The following RUNX1T1 variants were observed in gnomAD, a reference collection of about 807,000 sequenced individuals.
RUNX1T1 encodes protein CBFA2T1.
In RUNX1T1, 4 loss-of-function variants were observed where a neutral mutation model predicts 62.8. That is an observed-to-expected ratio of 0.06 (90% CI 0.03 to 0.15). RUNX1T1 has a LOEUF of 0.15. Among genes scored for constraint, RUNX1T1 ranks in the 10% least tolerant of loss-of-function variants. The pLI, the probability that RUNX1T1 is intolerant of heterozygous loss-of-function variation, is 1.00. For synonymous variants in RUNX1T1, 291 were observed against 286.0 expected, an observed-to-expected ratio of 1.02 and a Z score of -0.18; for missense variants, 508 against 754.3, an observed-to-expected ratio of 0.67 and a Z score of 3.82.
At chr8:91,980,738 C>T (rs958319551) in intron 8 of RUNX1T1, among the ~76,000 whole-genome samples, 1 of 152,146 alleles carries the variant, frequency 6.6e-6, no homozygotes. Context: ...GTGGCATAAA[C>T]GTGGCTCACT....
At position 91,975,885 on chromosome 8, in the gene RUNX1T1, T is replaced by C; in HGVS notation, c.1267+20A>G. On this transcript the variant is annotated intron_variant, in intron 9 of 10. Transcript: ENST00000396218. ...CACAGCTGCCAGAACACGAAACTCA[T>C]GTTTTTAAACAATTCTTACCAGCTT... The C allele has an allele frequency of 1.9e-6, 3 of 1,572,654 alleles. No individual in the cohort carries two copies. Among genetic ancestry groups the C allele is most frequent in the South Asian group, 1.1e-5 (1 of 90,240 alleles).
chr8:92,065,848 C>T (rs906734394), upstream of RUNX1T1, among the ~76,000 whole-genome samples: 7 of 152,196 alleles, frequency 4.6e-5, no homozygotes, highest in African/African-American at 1.7e-4. Context: ...TTGTGATACA[C>T]TGTGACTTCA....
intron 1 of RUNX1T1, among the ~76,000 whole-genome samples, chr8:92,030,437 T>C (rs1302499288): frequency 6.6e-6 from 1 of 152,146 alleles, no homozygotes; most frequent in Non-Finnish European, 1.5e-5. Flanking sequence ...TATTTAAAAA[T>C]ATAGATTTGA....
intron 1 of RUNX1T1, among the ~76,000 whole-genome samples, chr8:92,037,574 G>C (rs1199048100): frequency 6.6e-6 from 1 of 152,152 alleles, no homozygotes; most frequent in Non-Finnish European, 1.5e-5. Context: ...AGCTACTCAG[G>C]TGGCTAATGT....
chr8:92,017,196 G>T, intron 2 of RUNX1T1, 30 bp downstream of exon 3: 1 of 1,442,806 alleles, frequency 6.9e-7, no homozygotes, highest in South Asian at 1.2e-5. Context: ...CTTTAAAACT[G>T]AAACTCAAAA....
Position 91,970,639 on chromosome 8 carries a change from G to A in RUNX1T1, c.1458+19C>T. The A allele has an allele frequency of 6.4e-7, 1 of 1,570,392 alleles. No individual in the cohort carries two copies. The highest frequency in any genetic ancestry group is 8.6e-7 in the Non-Finnish European group (1 of 1,157,646). On this transcript the variant is annotated intron_variant, in intron 10 of 10. Transcript: ENST00000396218. ...ATGAAAACTATCTTGTTTATTTGGA[G>A]CTTCCCAAGATGCCTCACCTCGCTT...
At chr8:92,024,767 G>A (rs1824826212) in intron 1 of RUNX1T1, among the ~76,000 whole-genome samples, 1 of 151,764 alleles carries the variant, frequency 6.6e-6, no homozygotes, top group South Asian at 2.1e-4. Context: ...TCTTTTTCCT[G>A]CTCTGTGATA....
chr8:92,042,442 C>T (rs181745758), intron 1 of RUNX1T1, among the ~76,000 whole-genome samples: 101 of 152,198 alleles, frequency 6.6e-4, no homozygotes, highest in South Asian at 4.1e-3. Flanking sequence ...GCCTTCTGAC[C>T]GACTGGCTAG....
intron 1 of RUNX1T1, among the ~76,000 whole-genome samples, chr8:92,043,852 C>T (rs1213829921): frequency 6.6e-6 from 1 of 151,730 alleles, no homozygotes; most frequent in African/African-American, 2.4e-5. Context: ...TTGACAGGCA[C>T]CTGTAATCCC....
intron 1 of RUNX1T1, among the ~76,000 whole-genome samples, chr8:92,058,237 T>C (rs1831358529): frequency 6.6e-6 from 1 of 152,206 alleles, no homozygotes; most frequent in African/African-American, 2.4e-5. Context: ...AACCTACAAA[T>C]GTCTACTACC....
intron 10 of RUNX1T1, among the ~76,000 whole-genome samples, chr8:91,961,880 G>C (rs527987618): frequency 5.3e-5 from 8 of 152,324 alleles, no homozygotes; most frequent in African/African-American, 1.4e-4. Context: ...CTGACGCTAT[G>C]TGCTTGTGTG....
intron 1 of RUNX1T1, among the ~76,000 whole-genome samples, chr8:92,059,481 C>T (rs1831562085): frequency 6.6e-6 from 1 of 152,098 alleles, no homozygotes; most frequent in Non-Finnish European, 1.5e-5. Flanking sequence ...GCTATAAATG[C>T]CAAATCAATT....
upstream of RUNX1T1, among the ~76,000 whole-genome samples, chr8:92,065,750 G>A (rs191098456): frequency 1.3e-5 from 2 of 152,172 alleles, no homozygotes; most frequent in Non-Finnish European, 2.9e-5. Flanking sequence ...TGCAGTTCAG[G>A]AAAGCTCTCT....
intron 1 of RUNX1T1, among the ~76,000 whole-genome samples, chr8:92,049,750 A>G (rs1430419383): frequency 6.6e-6 from 1 of 152,186 alleles, no homozygotes; most frequent in African/African-American, 2.4e-5. Flanking sequence ...TAGATATTCA[A>G]TCCCCAACAC....
At chr8:92,078,357 A>C in intron 1 of RUNX1T1, among the ~76,000 whole-genome samples, 1 of 152,134 alleles carries the variant, frequency 6.6e-6, no homozygotes, top group Non-Finnish European at 1.5e-5. Context: ...TATTTCTGAG[A>C]CCTATTCCGC....
At chr8:92,060,553 A>ATATATATATATATGTGTG in intron 1 of RUNX1T1, among the ~76,000 whole-genome samples, 1 of 63,974 alleles carries the variant, frequency 1.6e-5, no homozygotes, top group Non-Finnish European at 3.2e-5. Context: ...ATATATATAT[A>ATATATATATATATGTGTG]TGTGTGTGTG....
At chr8:92,033,856 G>A (rs891156984) in intron 1 of RUNX1T1, among the ~76,000 whole-genome samples, 2 of 152,102 alleles carry the variant, frequency 1.3e-5, no homozygotes, top group African/African-American at 4.8e-5. Context: ...TGTAGTCCCA[G>A]CTACTAGGAG....
At chr8:92,051,186 T>A (rs1322934283) in intron 1 of RUNX1T1, among the ~76,000 whole-genome samples, 1 of 152,172 alleles carries the variant, frequency 6.6e-6, no homozygotes, top group Non-Finnish European at 1.5e-5. Context: ...TCACCAGTCT[T>A]GCTCACTATT....
rs188814131 is a variant in RUNX1T1, at chr8:92,026,031, A to G, written c.8-8668T>C. On this transcript the variant is annotated intron_variant, in intron 1 of 10. Transcript: ENST00000396218. ...GTAGTGTCAGTGTAGTCATACATGT[A>G]CACATTCAAAACAAAGAGAAAAGCA... is the stretch of plus-strand genomic sequence containing the variant. Among the ~76,000 whole-genome samples, 304 of 152,352 alleles carry G rather than the reference A, an allele frequency of 2.0e-3. 3 individuals carry two copies. The highest frequency in any genetic ancestry group is 0.018 in the Admixed American group (275 of 15,298).
Sources: allele counts gnomAD v4.1 joint callset (sites outside exome capture counted in the v4.1 genomes callset), GRCh38; gene constraint gnomAD v4.1.1; transcripts MANE v1.5; gene names NCBI Gene and HGNC (gene_info 2026-07-23, HGNC 2026-07-21).